The following MTOR variants were observed in gnomAD, a reference collection of about 807,000 sequenced individuals.
MTOR encodes serine/threonine-protein kinase mTOR.
Under a neutral mutation model 319.8 loss-of-function variants are expected in MTOR, and 70 were observed. The ratio of observed to expected loss-of-function variants is 0.22; its 90% CI spans 0.18 to 0.27. MTOR has a LOEUF of 0.27. Among genes scored for constraint, MTOR ranks in the 10% least tolerant of loss-of-function variants. The pLI is 1.00. For synonymous variants in MTOR, 1,183 were observed against 1,211.4 expected (o/e 0.98, Z 0.49); for missense variants, 1,890 against 3,274.4 (o/e 0.58, Z 10.32).
At chr1:11,235,771 C>A (rs990995302) in intron 13 of MTOR, among the ~76,000 whole-genome samples, 2 of 152,068 alleles carry the variant, frequency 1.3e-5, no homozygotes, top group Non-Finnish European at 2.9e-5. Context: ...ACCATGAGGT[C>A]AAGAGATTGA....
At chr1:11,154,168 AAACAACAACAAC>A (rs374971011) in intron 30 of MTOR, among the ~76,000 whole-genome samples, 10 of 149,118 alleles carry the variant, frequency 6.7e-5, no homozygotes, top group South Asian at 4.3e-4. Context: ...GGACTGAGAA[AAACAACAACAAC>A]AACAACAACA....
At chr1:11,244,592 C>T (rs1421712931) in intron 8 of MTOR, among the ~76,000 whole-genome samples, 6 of 150,750 alleles carry the variant, frequency 4.0e-5, no homozygotes, top group African/African-American at 1.5e-4. Context: ...GATCGTGCCA[C>T]TGCACTCCAG....
chr1:11,226,913 C>G, intron 19 of MTOR, among the ~76,000 whole-genome samples: 1 of 124,292 alleles, frequency 8.0e-6, no homozygotes, highest in South Asian at 3.0e-4. Flanking sequence ...AATTTTTCTT[C>G]CCCCCACCCC....
intron 25 of MTOR, among the ~76,000 whole-genome samples, chr1:11,205,907 C>A (rs748041006): frequency 2.0e-5 from 3 of 152,140 alleles, no homozygotes; most frequent in African/African-American, 4.8e-5. Flanking sequence ...TGAAAAGACC[C>A]CCAGGTGCTA....
At chr1:11,117,297 ATTACAGGCACCCG>A (rs1007510384) in intron 49 of MTOR, among the ~76,000 whole-genome samples, 10 of 152,280 alleles carry the variant, frequency 6.6e-5, no homozygotes, top group African/African-American at 1.7e-4. Flanking sequence ...AGTAGCTGAG[ATTACAGGCACCCG>A]CCACCATGCC....
At chr1:11,186,741 C>T (rs1270615044) in intron 28 of MTOR, among the ~76,000 whole-genome samples, 1 of 152,098 alleles carries the variant, frequency 6.6e-6, no homozygotes, top group Non-Finnish European at 1.5e-5. Context: ...CTTCTTTTTC[C>T]TTCATTTAGA....
chr1:11,205,269 C>A (rs1384902576), intron 25 of MTOR, among the ~76,000 whole-genome samples: 2 of 152,146 alleles, frequency 1.3e-5, no homozygotes, highest in African/African-American at 4.8e-5. Flanking sequence ...GAGTTACTAC[C>A]AGGGGCAGCT....
At chr1:11,204,997 A>G (rs1487513729) in intron 25 of MTOR, among the ~76,000 whole-genome samples, 2 of 152,214 alleles carry the variant, frequency 1.3e-5, no homozygotes, top group Non-Finnish European at 2.9e-5. Flanking sequence ...GGTGCATTCG[A>G]CAAAGCCTAA....
At chr1:11,138,628 G>T (rs150320751) in intron 36 of MTOR, among the ~76,000 whole-genome samples, 2 of 152,260 alleles carry the variant, frequency 1.3e-5, no homozygotes, top group African/African-American at 4.8e-5. Flanking sequence ...GTCACAATGG[G>T]GAGAGAAGGC....
chr1:11,234,356 G>C (rs1647124656), intron 13 of MTOR, 91 bp from the exon 14 acceptor site: 1 of 1,458,956 alleles, frequency 6.9e-7, no homozygotes, highest in African/African-American at 1.4e-5. Context: ...GGGAACTGGG[G>C]GAAAAACCCA....
At chr1:11,190,536 C>G (rs1007178107) in intron 28 of MTOR, among the ~76,000 whole-genome samples, 4 of 152,150 alleles carry the variant, frequency 2.6e-5, no homozygotes, top group Non-Finnish European at 5.9e-5. Flanking sequence ...TAAGGTTCCT[C>G]AATTGTGATA....
chr1:11,245,192 C>G (rs1648656084), intron 8 of MTOR, among the ~76,000 whole-genome samples: 1 of 152,156 alleles, frequency 6.6e-6, no homozygotes, highest in Non-Finnish European at 1.5e-5. Context: ...GTAGGCGATT[C>G]TCATACAATC....
At chr1:11,241,422 G>A (rs1426007258) in intron 10 of MTOR, 131 bp downstream of exon 10, 25 of 1,069,720 alleles carry the variant, frequency 2.3e-5, no homozygotes, top group Middle Eastern at 3.2e-4. Flanking sequence ...ACTAGCCTGT[G>A]TGTTTAGTCT....
intron 34 of MTOR, among the ~76,000 whole-genome samples, chr1:11,141,691 A>T (rs1366792526): frequency 1.3e-5 from 2 of 150,480 alleles, no homozygotes; most frequent in Non-Finnish European, 3.0e-5. Flanking sequence ...TAATTAAAAA[A>T]AAAAAAGAAA....
rs780698558 is a variant in MTOR, at chr1:11,121,668, A to C, written c.6811-300T>G. On this transcript the variant is annotated intron_variant, in intron 48 of 57. Coordinates refer to ENST00000361445, the MANE Select transcript of MTOR (RefSeq NM_004958.4). This position sits in a 1 kb window ranked among gnomAD's most constrained non-coding sequence, Gnocchi z 4.9. ...TGGAAAACAAGCAATTCTCTTTCTTATTACTTACACATCTACTAAACATTA... is the reference window on the plus strand; with the variant it reads ...TGGAAAACAAGCAATTCTCTTTCTTCTTACTTACACATCTACTAAACATTA... 2.0e-5 allele frequency among the ~76,000 whole-genome samples: 3 copies of C among 152,220 alleles called. No individual in the cohort carries two copies. Among genetic ancestry groups the C allele is most frequent in the Non-Finnish European group, 4.4e-5 (3 of 68,036 alleles).
chr1:11,107,000 A>T lies in MTOR; in HGVS notation c.*485T>A. The T allele has an allele frequency of 1.5e-6, 2 of 1,370,808 alleles. No homozygotes were observed. Among genetic ancestry groups the T allele is most frequent in the Non-Finnish European group, 1.9e-6 (2 of 1,038,928 alleles). The allele number at this position is 1,370,808 out of a possible 1,614,324, so 84.9% of individuals were successfully genotyped here. On this transcript the variant is annotated 3_prime_UTR_variant, in exon 58 of 58. Coordinates refer to ENST00000361445, the MANE Select transcript of MTOR (RefSeq NM_004958.4). ...GTCCACAGACCAGTGAGGTCTTGGG[A>T]TAGGTGGCAGGGGTGAGGTCAGCAT...
intron 28 of MTOR, among the ~76,000 whole-genome samples, chr1:11,174,178 T>C (rs1379502255): frequency 7.0e-6 from 1 of 143,462 alleles, no homozygotes; most frequent in African/African-American, 2.8e-5. Context: ...TAAGTAATAA[T>C]GAAGGGTATA....
At position 11,130,590 on chromosome 1, in the gene MTOR, C is replaced by T. The variant is rs1329245572; in HGVS notation, c.5552G>A (p.Ser1851Asn). The change falls in exon 39 of 58, where the codon AGC becomes AAC. Residue 1851 changes from serine to asparagine, a missense_variant. Physicochemically the swap from Ser to Asn is conservative, Grantham distance 46. Coordinates refer to ENST00000361445, the MANE Select transcript of MTOR (RefSeq NM_004958.4). ...GCTGTTCTCGGTGCTCTCGGCCTCG[C>T]TCTCACTGTTGCTGCCCTCGGTGCT... Reference protein sequence around the residue: ...TASTEGSNSESEAESTENSPT... With the variant: ...TASTEGSNSENEAESTENSPT... 8 of 1,613,870 alleles carry T rather than the reference C, an allele frequency of 5.0e-6. No individual in the cohort carries two copies. Among genetic ancestry groups the T allele is most frequent in the South Asian group, 1.1e-5 (1 of 91,054 alleles).
chr1:11,125,347 C>G (rs1642769346), intron 46 of MTOR, among the ~76,000 whole-genome samples: 1 of 152,190 alleles, frequency 6.6e-6, no homozygotes, highest in African/African-American at 2.4e-5. Context: ...CAGAAGACAA[C>G]AGCTCATGCA....
Sources: allele counts gnomAD v4.1 joint callset (sites outside exome capture counted in the v4.1 genomes callset), GRCh38; gene constraint gnomAD v4.1.1; non-coding constraint Gnocchi (gnomAD v3.1); transcripts MANE v1.5; gene names NCBI Gene and HGNC (gene_info 2026-07-23, HGNC 2026-07-21).